DTL: variants seen among roughly 807,000 people sequenced by gnomAD.
DTL encodes the protein denticleless E3 ubiquitin protein ligase adapter.
In DTL, 46 loss-of-function variants were observed where a neutral mutation model predicts 87.0. The observed-to-expected ratio is 0.53, with a 90% CI of 0.42 to 0.68. The LOEUF (loss-of-function observed/expected upper bound fraction) is 0.68, where lower values mean the gene tolerates loss of function less well. Among genes scored for constraint, DTL ranks in the 30% least tolerant of loss-of-function variants. The probability of loss-of-function intolerance (pLI) is 0.00; values close to 1 mark genes in which losing one functional copy is unlikely to be tolerated. For missense variants in DTL, 737 were observed against 869.4 expected, an observed-to-expected ratio of 0.85 and a Z score of 1.91; for synonymous variants, 308 against 311.2, an observed-to-expected ratio of 0.99 and a Z score of 0.11.
chr1:212,040,472 T>C (rs1329764186), intron 1 of DTL, among the ~76,000 whole-genome samples: 1 of 152,210 alleles, frequency 6.6e-6, no homozygotes, highest in Admixed American at 6.5e-5. Flanking sequence ...TAACTAATAA[T>C]AACATAGAAC....
At chr1:212,070,951 T>C (rs1050891268) in intron 10 of DTL, among the ~76,000 whole-genome samples, 2 of 152,208 alleles carry the variant, frequency 1.3e-5, no homozygotes, top group Admixed American at 6.5e-5. Context: ...AGGCTAGAGT[T>C]TTCCATTCAT....
chr1:212,087,188 T>C (rs917547456), intron 13 of DTL, among the ~76,000 whole-genome samples: 4 of 152,216 alleles, frequency 2.6e-5, no homozygotes, highest in African/African-American at 2.4e-5. Context: ...GAGTCTATAA[T>C]TGAACCCTTG....
At position 212,068,687 on chromosome 1, in the gene DTL, G is replaced by A. The variant is rs1395167109; in HGVS notation, c.906G>A (p.Gly302=). The change falls in exon 10 of 15, where the codon GGG becomes GGA. Residue 302 remains glycine (G), a synonymous_variant. Coordinates refer to ENST00000366991, the MANE Select transcript of DTL (RefSeq NM_016448.4). ...ACATCTACATGTTTAATATGACTGG[G>A]TTGAAGACTTCTCCAGGTAAGATAT... The part of the protein sequence containing the change: ...DDNIYMFNMT[G]LKTSPVAIFN... 3 of 1,605,748 alleles carry A rather than the reference G, an allele frequency of 1.9e-6. No homozygotes were observed. Among genetic ancestry groups the A allele is most frequent in the Non-Finnish European group, 2.6e-6 (3 of 1,173,220 alleles).
rs749072896 is a variant in DTL, at chr1:212,068,333, C to T, written c.817+6C>T. 8 of 1,566,284 alleles carry T rather than the reference C, an allele frequency of 5.1e-6. 1 individual carries two copies. The South Asian group carries it at 8.2e-5, about 16-fold the overall frequency. On this transcript the variant is annotated splice_donor_region_variant and intron_variant, in intron 9 of 14. Coordinates refer to ENST00000366991, the MANE Select transcript of DTL (RefSeq NM_016448.4). ...TAGCAGCACTCGAAAACTTGGTAAG[C>T]CTTTAATAGGTCTTTTGGGGGAGAT... is the stretch of plus-strand genomic sequence containing the variant.
intron 11 of DTL, among the ~76,000 whole-genome samples, chr1:212,073,691 C>T (rs1654744290): frequency 6.6e-6 from 1 of 152,088 alleles, no homozygotes; most frequent in African/African-American, 2.4e-5. Flanking sequence ...TTGCTCTATC[C>T]AAGATGCTTC....
chr1:212,054,981 G>C (rs1310152048), intron 5 of DTL, among the ~76,000 whole-genome samples: 1 of 152,112 alleles, frequency 6.6e-6, no homozygotes, highest in Non-Finnish European at 1.5e-5. Flanking sequence ...AAAAAGTGCT[G>C]AATTAGATGA....
chr1:212,047,333 G>A lies in DTL; in HGVS notation c.376G>A (p.Asp126Asn), dbSNP rs761482562. 1.2e-6 allele frequency: 2 copies of A among 1,614,044 alleles called. No individual in the cohort carries two copies. The highest frequency in any genetic ancestry group is 2.7e-5 in the African/African-American group (2 of 74,912). The change falls in exon 5 of 15, where the codon GAC becomes AAC. Residue 126 changes from aspartate to asparagine, a missense_variant. Asp to Asn is a conservative substitution (Grantham distance 23). Transcript: ENST00000366991. ...AAGDQTAKFW[D>N]VKAGELIGTC... ...AGGTGATCAAACAGCCAAATTTTGG[G>A]ACGTAAAAGCTGGTGAGCTGATTGG...
rs2102593599 is a variant in DTL at position 212,104,500 on chromosome 1, T to C, written c.*1560T>C. On this transcript the variant is annotated 3_prime_UTR_variant, in exon 15 of 15. Transcript: ENST00000366991. ...ATATTTGGTGTTTGTTTTTTGACTG[T>C]TGGGCTTTGGGAAGATGTTATTTAT... is the stretch of plus-strand genomic sequence containing the variant. The C allele has an allele frequency of 2.6e-5, 4 of 152,300 alleles. No homozygotes were observed. Among genetic ancestry groups the C allele is most frequent in the Middle Eastern group, 6.8e-3 (2 of 294 alleles). The allele number at this position is 152,300 out of a possible 1,614,324, so 9.4% of individuals were successfully genotyped here. A position where few individuals can be genotyped will look rare whatever the true frequency, so the allele number is the denominator to read the frequency against.
intron 13 of DTL, among the ~76,000 whole-genome samples, chr1:212,083,671 G>T (rs1295016317): frequency 6.6e-6 from 1 of 152,166 alleles, no homozygotes; most frequent in Non-Finnish European, 1.5e-5. Flanking sequence ...GAAAGATCAT[G>T]TACATAGATT....
chr1:212,091,191 A>G (rs975893303), intron 13 of DTL, among the ~76,000 whole-genome samples: 1 of 152,246 alleles, frequency 6.6e-6, no homozygotes, highest in Non-Finnish European at 1.5e-5. Context: ...CCCAACAGGT[A>G]TATGAAAAAC....
intron 10 of DTL, among the ~76,000 whole-genome samples, chr1:212,069,000 T>G (rs1654591812): frequency 6.6e-6 from 1 of 152,156 alleles, no homozygotes; most frequent in Non-Finnish European, 1.5e-5. Context: ...AGCTGTGGAG[T>G]AGATAAAGTG....
intron 13 of DTL, among the ~76,000 whole-genome samples, chr1:212,098,931 G>C (rs1655528696): frequency 6.6e-6 from 1 of 152,028 alleles, no homozygotes; most frequent in South Asian, 2.1e-4. Context: ...TGCAGATTCT[G>C]CCCAGGAAAA....
At chr1:212,078,336 G>T (rs1439107806) in intron 12 of DTL, 74 bp downstream of exon 12, 1 of 937,446 alleles carries the variant, frequency 1.1e-6, no homozygotes, top group Non-Finnish European at 1.7e-6. Context: ...GGTTTGTTTT[G>T]AGAATGATAT....
chr1:212,044,478 C>T (rs1198691213), intron 2 of DTL, among the ~76,000 whole-genome samples, 182 bp from the exon 3 acceptor site: 1 of 152,098 alleles, frequency 6.6e-6, no homozygotes, highest in African/African-American at 2.4e-5. Context: ...GTGGCGCATG[C>T]CTGTAATCCC....
Position 212,080,705 on chromosome 1 carries a change from G to A in DTL, c.1216G>A (p.Val406Met), listed in dbSNP as rs1281584289. ...ACCAGGAGGTGATAAACTTTCCACG[G>A]TGGGTTGGGCCTCTCAGAAGAAAAA... is the stretch of plus-strand genomic sequence containing the variant. ...EKPGGDKLST[V>M]GWASQKKKES... is the part of the protein sequence containing the mutation. Residue 406 changes from valine to methionine, a missense_variant, in exon 13 of 15, where the codon GTG becomes ATG. By Grantham distance (21) the Val-to-Met change is conservative. Transcript: ENST00000366991. The A allele has an allele frequency of 6.2e-7, 1 of 1,613,666 alleles. No homozygotes were observed.
At chr1:212,095,000 T>C (rs1655402893) in intron 13 of DTL, among the ~76,000 whole-genome samples, 1 of 152,186 alleles carries the variant, frequency 6.6e-6, no homozygotes, top group South Asian at 2.1e-4. Context: ...GATGAGTTTT[T>C]AGGGTTTTCT....
At chr1:212,066,665 G>A (rs1245626049) in intron 7 of DTL, 147 bp from the exon 8 acceptor site, 1 of 601,424 alleles carries the variant, frequency 1.7e-6, no homozygotes, top group Non-Finnish European at 2.9e-6. Context: ...TTACCTCTTG[G>A]TCAGCATATA....
At chr1:212,099,838 T>A (rs1348905010) in intron 13 of DTL, among the ~76,000 whole-genome samples, 1 of 152,224 alleles carries the variant, frequency 6.6e-6, no homozygotes, top group African/African-American at 2.4e-5. Flanking sequence ...CATGCTGTTC[T>A]GTCTGTCTGA....
At position 212,100,998 on chromosome 1, in the gene DTL, C is replaced by T. The variant is rs368433275; in HGVS notation, c.2008C>T (p.Arg670Trp). The change falls in exon 14 of 15, where the codon CGG becomes TGG. Residue 670 changes from arginine to tryptophan, a missense_variant. Arg to Trp is a moderately radical substitution (Grantham distance 101, BLOSUM62 -3). Transcript: ENST00000366991. ...CTGGTTGTTGGCCATGGCAGCCAAA[C>T]GGAAGGCTGAGAATCCATCTCCACG... ...KNWLLAMAAK[R>W]KAENPSPRSP... The T allele has an allele frequency of 1.7e-5, 28 of 1,613,944 alleles. No homozygotes were observed. Among genetic ancestry groups the T allele is most frequent in the African/African-American group, 6.7e-5 (5 of 74,878 alleles).
Sources: gnomAD v4.1 joint callset for allele counts (sites outside exome capture counted in the v4.1 genomes callset) on GRCh38, gnomAD v4.1.1 for gene constraint, MANE v1.5 for transcripts, NCBI Gene and HGNC (gene_info 2026-07-23, HGNC 2026-07-21) for gene names.